Variants in CCDC178 observed in about 807,000 individuals in gnomAD.
CCDC178 encodes the protein coiled-coil domain containing 178, also known as coiled-coil domain-containing protein 178.
CCDC178 carries 126 observed loss-of-function variants against 117.4 expected under a neutral mutation model. That is an observed-to-expected ratio of 1.07 (90% confidence interval 0.93 to 1.24). CCDC178 has a LOEUF of 1.24. CCDC178 is among the 50% of genes most tolerant of loss of function. The pLI is 0.00. For synonymous variants in CCDC178, 283 were observed against 313.4 expected (o/e 0.90, Z 1.02); for missense variants, 1,030 against 986.9 (o/e 1.04, Z -0.59).
At chr18:32,951,280 G>A (rs1187922195) in intron 22 of CCDC178, among the ~76,000 whole-genome samples, 1 of 152,122 alleles carries the variant, frequency 6.6e-6, no homozygotes, top group African/African-American at 2.4e-5. Context: ...AGTTTAACTT[G>A]TATTCGTTCC....
At position 33,305,971 on chromosome 18, in the gene CCDC178, C is replaced by T. The variant is rs537817354; in HGVS notation, c.1023-12659G>A. On this transcript the variant is annotated intron_variant, in intron 11 of 22. Coordinates refer to ENST00000383096, the MANE Select transcript of CCDC178 (RefSeq NM_001105528.4). Reference sequence around the variant, plus strand: ...CACCAGGGATCCCTGGGTGCAATGGCCAGTATTGGTTTTCTGCATAGTAAG... The same window carrying T: ...CACCAGGGATCCCTGGGTGCAATGGTCAGTATTGGTTTTCTGCATAGTAAG... 1.1e-4 allele frequency among the ~76,000 whole-genome samples: 16 copies of T among 152,208 alleles called. No homozygotes were observed. The South Asian group carries it at 3.1e-3, about 30-fold the overall frequency.
At chr18:33,286,823 C>G (rs2060103842) in intron 12 of CCDC178, among the ~76,000 whole-genome samples, 1 of 152,052 alleles carries the variant, frequency 6.6e-6, no homozygotes, top group South Asian at 2.1e-4. Flanking sequence ...TTATTATCAA[C>G]TGATAAAATC....
chr18:33,267,252 T>C lies in CCDC178; in HGVS notation c.1222A>G (p.Lys408Glu). The change falls in exon 13 of 23, where the codon AAA becomes GAA. Residue 408 changes from lysine (K) to glutamate (E), a missense_variant. Physicochemically the swap from Lys to Glu is moderately conservative, Grantham distance 56 (BLOSUM62 1). Transcript: ENST00000383096. Reference sequence around the variant, plus strand: ...TCCAGATACTGATTTTCATGACTTTTTTGCTTCCAGGTTAGTTGGTCATAA... The same window carrying C: ...TCCAGATACTGATTTTCATGACTTTCTTGCTTCCAGGTTAGTTGGTCATAA... ...RVYDQLTWKQ[K>E]SHENQYLEAV... 1 of 1,606,134 alleles carries C rather than the reference T, an allele frequency of 6.2e-7. No homozygotes were observed. The highest frequency in any genetic ancestry group is 8.5e-7 in the Non-Finnish European group (1 of 1,177,418).
intron 20 of CCDC178, among the ~76,000 whole-genome samples, chr18:33,140,483 C>T (rs752877006): frequency 3.7e-4 from 57 of 152,112 alleles, no homozygotes; most frequent in Non-Finnish European, 4.6e-4. Flanking sequence ...CAGTGTGACC[C>T]GGATGTGAGA....
Position 33,202,515 on chromosome 18 carries a change from T to C in CCDC178, c.2238+9381A>G, listed in dbSNP as rs548219747. Among the ~76,000 whole-genome samples, 4 of 148,356 alleles carry C rather than the reference T, an allele frequency of 2.7e-5. No homozygotes were observed. The South Asian group carries it at 8.9e-4, about 33-fold the overall frequency. On this transcript the variant is annotated intron_variant, in intron 20 of 22. Transcript: ENST00000383096. ...AAAATGCCAGCAAAGCTGTTACCAG[T>C]CAACCAGGATGGCACCACCTCTTAC... is the stretch of plus-strand genomic sequence containing the variant.
At chr18:33,136,122 G>A (rs1192528751) in intron 20 of CCDC178, 1 of 152,246 alleles carries the variant, frequency 6.6e-6, no homozygotes, top group East Asian at 1.9e-4. Flanking sequence ...TGAGCAGGCA[G>A]AGGGGAAATG....
intron 11 of CCDC178, among the ~76,000 whole-genome samples, chr18:33,301,137 A>G (rs1483691285): frequency 1.3e-5 from 2 of 152,172 alleles, no homozygotes; most frequent in African/African-American, 4.8e-5. Context: ...TCCAGCTACA[A>G]TTATGGCTCA....
At chr18:33,363,470 A>C (rs780456489) in intron 6 of CCDC178, among the ~76,000 whole-genome samples, 23 of 152,028 alleles carry the variant, frequency 1.5e-4, no homozygotes, top group Non-Finnish European at 3.2e-4. Flanking sequence ...CAGACCAATA[A>C]ATTATTCCCA....
intron 6 of CCDC178, among the ~76,000 whole-genome samples, chr18:33,357,568 G>A (rs1011507815): frequency 6.6e-6 from 1 of 152,006 alleles, no homozygotes; most frequent in Non-Finnish European, 1.5e-5. Flanking sequence ...TTATACCTGA[G>A]TTCACATATT....
intron 3 of CCDC178, among the ~76,000 whole-genome samples, chr18:33,403,604 C>G (rs912326431): frequency 1.3e-5 from 2 of 151,930 alleles, no homozygotes; most frequent in Non-Finnish European, 2.9e-5. Context: ...TCTTGAAAGT[C>G]AGCATTCGGT....
At chr18:33,105,267 T>C (rs1230905316) in intron 20 of CCDC178, among the ~76,000 whole-genome samples, 4 of 151,708 alleles carry the variant, frequency 2.6e-5, no homozygotes, top group Non-Finnish European at 5.9e-5. Context: ...ACACTATGCA[T>C]AGCTCTGTCA....
chr18:33,315,498 T>A (rs1385200564), intron 11 of CCDC178, among the ~76,000 whole-genome samples: 2 of 152,158 alleles, frequency 1.3e-5, no homozygotes, highest in African/African-American at 2.4e-5. Context: ...ATCTTGATCT[T>A]CAGGCTCTGT....
At chr18:32,994,582 G>A (rs890423409) in intron 21 of CCDC178, among the ~76,000 whole-genome samples, 4 of 152,250 alleles carry the variant, frequency 2.6e-5, no homozygotes, top group Admixed American at 2.6e-4. Context: ...AATAGAAGTT[G>A]ACACACAGTA....
chr18:33,226,058 G>C (rs2059299866), intron 16 of CCDC178, among the ~76,000 whole-genome samples: 1 of 152,178 alleles, frequency 6.6e-6, no homozygotes, highest in Admixed American at 6.5e-5. Context: ...CTACTCGGGA[G>C]GCTGAGGCAG....
chr18:33,390,870 C>T (rs956431525), intron 4 of CCDC178, among the ~76,000 whole-genome samples: 1 of 151,532 alleles, frequency 6.6e-6, no homozygotes, highest in Admixed American at 6.6e-5. Flanking sequence ...TAAATACATA[C>T]ACACATACAT....
chr18:33,043,288 A>C (rs1361368805), intron 21 of CCDC178, among the ~76,000 whole-genome samples: 1 of 152,118 alleles, frequency 6.6e-6, no homozygotes, highest in East Asian at 1.9e-4. Context: ...TGTCATATTG[A>C]CATTATACAG....
chr18:33,009,684 G>T (rs1169778168), intron 21 of CCDC178, among the ~76,000 whole-genome samples: 1 of 151,680 alleles, frequency 6.6e-6, no homozygotes, highest in Non-Finnish European at 1.5e-5. Context: ...TATTTATCTT[G>T]TTTGCTATGT....
chr18:33,036,293 A>G (rs183398528), intron 21 of CCDC178, among the ~76,000 whole-genome samples: 157 of 151,988 alleles, frequency 1.0e-3, no homozygotes, highest in African/African-American at 3.5e-3. Context: ...TGTGCCTGAA[A>G]AAATCTATTT....
chr18:33,314,419 T>C (rs985721765), intron 11 of CCDC178, among the ~76,000 whole-genome samples: 5 of 152,014 alleles, frequency 3.3e-5, no homozygotes, highest in African/African-American at 1.2e-4. Flanking sequence ...AAAAGGACTT[T>C]AGCCAAATTG....
Sources: allele counts gnomAD v4.1 joint callset (sites outside exome capture counted in the v4.1 genomes callset), GRCh38; gene constraint gnomAD v4.1.1; transcripts MANE v1.5; gene names NCBI Gene and HGNC (gene_info 2026-07-23, HGNC 2026-07-21).